PIP4K2B: variants seen among roughly 807,000 people sequenced by gnomAD.
The protein encoded by PIP4K2B is phosphatidylinositol 5-phosphate 4-kinase type-2 beta.
Under a neutral mutation model 42.0 loss-of-function variants are expected in PIP4K2B, and 3 were observed. The ratio of observed to expected loss-of-function variants is 0.07; its 90% CI spans 0.03 to 0.18. The LOEUF (loss-of-function observed/expected upper bound fraction) is 0.18, where lower values mean the gene tolerates loss of function less well. Among genes scored for constraint, PIP4K2B ranks in the 10% least tolerant of loss-of-function variants. The pLI is 1.00. For synonymous variants in PIP4K2B, 204 were observed against 210.1 expected (o/e 0.97, Z 0.25); for missense variants, 332 against 562.3 (o/e 0.59, Z 4.14).
intron 3 of PIP4K2B, 116 bp downstream of exon 3, chr17:38,784,127 A>G: frequency 1.5e-6 from 1 of 662,310 alleles, no homozygotes. Flanking sequence ...GGAGCAAGGC[A>G]TGACAGGGAG....
At chr17:38,777,825 T>A in intron 6 of PIP4K2B, 25 bp from the exon 7 acceptor site, 12 of 1,520,132 alleles carry the variant, frequency 7.9e-6, no homozygotes, top group Non-Finnish European at 1.1e-5. Context: ...GCAGTTAGGC[T>A]GGGTAAGCCT....
intron 7 of PIP4K2B, chr17:38,776,018 A>T: frequency 6.7e-6 from 3 of 446,842 alleles, no homozygotes; most frequent in East Asian, 7.1e-5. Context: ...AGTTTCATTC[A>T]TAACATGTTG....
At chr17:38,795,853 A>G (rs1910632468) in intron 1 of PIP4K2B, among the ~76,000 whole-genome samples, 1 of 151,422 alleles carries the variant, frequency 6.6e-6, no homozygotes, top group Non-Finnish European at 1.5e-5. Context: ...CAAAGTCACA[A>G]TGAGGCCGGG....
intron 7 of PIP4K2B, among the ~76,000 whole-genome samples, chr17:38,776,286 G>A (rs1053028252): frequency 2.6e-5 from 4 of 152,080 alleles, no homozygotes; most frequent in African/African-American, 9.7e-5. Flanking sequence ...TTCCTCTTAT[G>A]TGAAGTTCCT....
chr17:38,781,277 GCTC>G (rs941824438), intron 3 of PIP4K2B, among the ~76,000 whole-genome samples: 1 of 151,826 alleles, frequency 6.6e-6, no homozygotes, highest in African/African-American at 2.4e-5. Context: ...CTGTATCCCT[GCTC>G]CTCCTCAAGG....
chr17:38,767,030 CGTT>C lies in PIP4K2B; in HGVS notation c.*2658_*2660del, dbSNP rs1908741840. The C allele has an allele frequency of 6.6e-6, 1 of 152,234 alleles. No individual in the cohort carries two copies. Among genetic ancestry groups the C allele is most frequent in the Non-Finnish European group, 1.5e-5 (1 of 68,058 alleles). 9.4% of individuals were successfully genotyped at this position (152,234 alleles called of 1,614,324 possible). ...CCTGGCCTCGCCTAATCAGCCATGT[CGTT>C]ATTCTTACACCTTTCTTCTTGGGAG... On this transcript the variant is annotated 3_prime_UTR_variant, in exon 10 of 10. Transcript: ENST00000619039.
At chr17:38,776,024 T>C (rs1161930151) in intron 7 of PIP4K2B, 1 of 450,826 alleles carries the variant, frequency 2.2e-6, no homozygotes, top group Non-Finnish European at 4.4e-6. Context: ...ATTCATAACA[T>C]GTTGCCCAAG....
chr17:38,777,566 A>G (rs761092064), intron 7 of PIP4K2B, 121 bp downstream of exon 7: 4 of 722,280 alleles, frequency 5.5e-6, no homozygotes, highest in Non-Finnish European at 9.9e-6. Context: ...CGCTGCTCAA[A>G]TCACCACCCT....
At position 38,799,041 on chromosome 17, in the gene PIP4K2B, G is replaced by T. The variant is rs1379160903; in HGVS notation, c.159+225C>A. On this transcript the variant is annotated intron_variant, in intron 1 of 9. Transcript: ENST00000619039. The surrounding 1 kb of genome is among the most constrained non-coding windows in gnomAD (Gnocchi z 4.4). ...ACGCAGGAAGCCAGAAGGGCTGGAG[G>T]GAAGGGGAGGTGGCGACGGCAGACC... Among the ~76,000 whole-genome samples the T allele has an allele frequency of 6.6e-6, 1 of 152,246 alleles. No homozygotes were observed. The highest frequency in any genetic ancestry group is 2.4e-5 in the African/African-American group (1 of 41,478).
intron 1 of PIP4K2B, among the ~76,000 whole-genome samples, chr17:38,794,986 G>A (rs1388065466): frequency 6.6e-6 from 1 of 150,646 alleles, no homozygotes; most frequent in Non-Finnish European, 1.5e-5. Context: ...TGTAATCCCA[G>A]TTACTCAGGA....
rs926638986 is a variant in PIP4K2B, at chr17:38,766,615, T to C, written c.*3076A>G. On this transcript the variant is annotated 3_prime_UTR_variant, in exon 10 of 10. Transcript: ENST00000619039. ...TAGGGAGAGGGGATAAAGAGCTGCC[T>C]GTGGTGGGAACTTAAGAGACTGCCA... is the stretch of plus-strand genomic sequence containing the variant. The C allele has an allele frequency of 1.3e-5, 2 of 152,612 alleles. No individual in the cohort carries two copies. The highest frequency in any genetic ancestry group is 2.1e-4 in the South Asian group (1 of 4,828). 9.5% of individuals were successfully genotyped at this position (152,612 alleles called of 1,614,324 possible).
chr17:38,779,586 T>C, intron 4 of PIP4K2B, 57 bp from the exon 5 acceptor site: 1 of 1,530,914 alleles, frequency 6.5e-7, no homozygotes, highest in South Asian at 1.1e-5. Flanking sequence ...CAGGGATGGA[T>C]GGGGCTCACC....
intron 2 of PIP4K2B, 49 bp downstream of exon 2, chr17:38,786,774 A>G: frequency 8.4e-7 from 1 of 1,191,206 alleles, no homozygotes. Flanking sequence ...CTCTGACTTG[A>G]GGGAAAGGAC....
At chr17:38,790,471 G>A (rs1466787515) in intron 1 of PIP4K2B, among the ~76,000 whole-genome samples, 3 of 152,160 alleles carry the variant, frequency 2.0e-5, no homozygotes, top group East Asian at 3.9e-4. Context: ...CGGATCACGA[G>A]GTCAGAAGAT....
chr17:38,782,222 C>T (rs934040351), intron 3 of PIP4K2B, among the ~76,000 whole-genome samples: 4 of 152,240 alleles, frequency 2.6e-5, no homozygotes, highest in African/African-American at 9.6e-5. Flanking sequence ...GACTTACAGG[C>T]TGCAAGCCTA....
intron 3 of PIP4K2B, among the ~76,000 whole-genome samples, chr17:38,782,284 A>G (rs1352908637): frequency 6.6e-6 from 1 of 152,206 alleles, no homozygotes; most frequent in African/African-American, 2.4e-5. Context: ...TGGTAGTCCA[A>G]GAATATAGGG....
chr17:38,790,075 C>T (rs1910264320), intron 1 of PIP4K2B, among the ~76,000 whole-genome samples: 1 of 152,090 alleles, frequency 6.6e-6, no homozygotes, highest in African/African-American at 2.4e-5. Flanking sequence ...AAATTGTATA[C>T]TTAAAATACG....
intron 4 of PIP4K2B, 135 bp downstream of exon 4, chr17:38,780,317 G>C (rs1909626082): frequency 1.6e-6 from 1 of 635,210 alleles, no homozygotes; most frequent in Admixed American, 2.8e-5. Flanking sequence ...GGTTGCAGGA[G>C]AGTCCCACTG....
rs1908757403 is a variant in PIP4K2B at position 38,767,348 on chromosome 17, C to G, written c.*2343G>C. 1 of 151,672 alleles carries G rather than the reference C, an allele frequency of 6.6e-6. No homozygotes were observed. Among genetic ancestry groups the G allele is most frequent in the Non-Finnish European group, 1.5e-5 (1 of 67,934 alleles). 9.4% of individuals were successfully genotyped at this position (151,672 alleles called of 1,614,324 possible). A position where few individuals can be genotyped will look rare whatever the true frequency, so the allele number is the denominator to read the frequency against. The stretch of plus-strand genomic sequence containing the variant: ...CATTTGAATGCCAAAAATTGGGGGC[C>G]AAACTCAAGGTTTTGAAGATAGCAC... On this transcript the variant is annotated 3_prime_UTR_variant, in exon 10 of 10. Coordinates refer to ENST00000619039, the MANE Select transcript of PIP4K2B (RefSeq NM_003559.5).
Sources: allele counts gnomAD v4.1 joint callset (sites outside exome capture counted in the v4.1 genomes callset), GRCh38; gene constraint gnomAD v4.1.1; non-coding constraint Gnocchi (gnomAD v3.1); transcripts MANE v1.5; gene names NCBI Gene and HGNC (gene_info 2026-07-23, HGNC 2026-07-21).